SLC7A2: variants seen among roughly 807,000 people sequenced by gnomAD.
SLC7A2 encodes solute carrier family 7 member 2.
A neutral mutation model predicts 58.9 loss-of-function variants in SLC7A2; 48 were observed. The ratio of observed to expected loss-of-function variants is 0.82; its 90% CI spans 0.65 to 1.04. SLC7A2 has a LOEUF of 1.04. Among genes scored for constraint, SLC7A2 ranks in the 50% least tolerant of loss-of-function variants. SLC7A2 has a pLI of 0.00. For synonymous variants in SLC7A2, 363 were observed against 314.5 expected (o/e 1.15, Z -1.63); for missense variants, 1,029 against 818.8 (o/e 1.26, Z -3.13).
chr8:17,527,755 T>C (rs909433832), intron 2 of SLC7A2, among the ~76,000 whole-genome samples: 5 of 152,196 alleles, frequency 3.3e-5, no homozygotes, highest in Non-Finnish European at 7.3e-5. Flanking sequence ...AGGACACCAG[T>C]GTTACTGGAT....
At position 17,506,748 on chromosome 8, in the gene SLC7A2, C is replaced by A. The variant is rs566516906; in HGVS notation, c.-23+4446C>A. Among the ~76,000 whole-genome samples the A allele has an allele frequency of 8.3e-4, 117 of 140,164 alleles. 1 individual carries two copies. Among genetic ancestry groups the A allele is most frequent in the African/African-American group, 3.1e-3 (112 of 35,974 alleles). 92.0% of individuals were successfully genotyped at this position (140,164 alleles called of 152,430 possible). The stretch of plus-strand genomic sequence containing the variant: ...AAATAATAATTACTAGAATGCACTA[C>A]TTCTGTGGAATTTTTTTTTTTGAGA... On this transcript the variant is annotated intron_variant, in intron 2 of 12. Transcript: ENST00000494857.
In SLC7A2 at chr8:17,568,640, T is replaced by A. The variant is rs1486788536; in HGVS notation, c.*3494T>A. On this transcript the variant is annotated 3_prime_UTR_variant, in exon 13 of 13. Coordinates refer to ENST00000494857, the MANE Select transcript of SLC7A2 (RefSeq NM_001370338.1). Reference sequence around the variant, plus strand: ...AATATTAGTCAAAATACTTTTTAAGTCCTGAGTGCTTACAGGTAGTTGTTA... The same window carrying A: ...AATATTAGTCAAAATACTTTTTAAGACCTGAGTGCTTACAGGTAGTTGTTA... 6.6e-6 allele frequency: 1 copy of A among 152,120 alleles called. No individual in the cohort carries two copies. Among genetic ancestry groups the A allele is most frequent in the Admixed American group, 6.6e-5 (1 of 15,264 alleles). 9.4% of individuals were successfully genotyped at this position (152,120 alleles called of 1,614,324 possible).
rs570185710 is a variant in SLC7A2, at chr8:17,536,839, C to T, written c.-22-6479C>T. ...GTACCATCTTGACCTTCGCCATTAG[C>T]TTCTGGTTTCAAGGAACAGAGACCA... On this transcript the variant is annotated intron_variant, in intron 2 of 12. Transcript: ENST00000494857. Among the ~76,000 whole-genome samples, 17 of 152,188 alleles carry T rather than the reference C, an allele frequency of 1.1e-4. No homozygotes were observed. In the East Asian group the frequency reaches 2.7e-3, roughly 24 times the overall value.
chr8:17,558,544 G>T, intron 9 of SLC7A2, 147 bp downstream of exon 9: 1 of 518,862 alleles, frequency 1.9e-6, no homozygotes, highest in African/African-American at 1.9e-5. Flanking sequence ...ATGAAAAGTG[G>T]AAGAAGCGTA....
chr8:17,544,177 T>G (rs1802055563), intron 3 of SLC7A2, among the ~76,000 whole-genome samples: 1 of 152,184 alleles, frequency 6.6e-6, no homozygotes, highest in South Asian at 2.1e-4. Context: ...GCCACAAAAT[T>G]CTGTGATTTT....
intron 1 of SLC7A2, among the ~76,000 whole-genome samples, chr8:17,501,940 A>G (rs1263937790): frequency 6.6e-6 from 1 of 151,852 alleles, no homozygotes; most frequent in Non-Finnish European, 1.5e-5. Flanking sequence ...TTGGTGAACA[A>G]TACACAACAA....
At chr8:17,503,074 A>G (rs2150644412) in intron 2 of SLC7A2, among the ~76,000 whole-genome samples, 1 of 152,066 alleles carries the variant, frequency 6.6e-6, no homozygotes, top group Admixed American at 6.6e-5. Context: ...TTTTTGAGAC[A>G]GAGTCTCACT....
chr8:17,496,889 C>T (rs191713951), upstream of SLC7A2, among the ~76,000 whole-genome samples: 1 of 151,878 alleles, frequency 6.6e-6, no homozygotes, highest in African/African-American at 2.4e-5. Context: ...CGCCCGCCCA[C>T]GTGTGCTCGG....
chr8:17,518,431 G>A (rs1387250577), intron 2 of SLC7A2, among the ~76,000 whole-genome samples: 1 of 152,040 alleles, frequency 6.6e-6, no homozygotes, highest in African/African-American at 2.4e-5. Flanking sequence ...CTTCATAACT[G>A]GACTATTTAT....
At chr8:17,502,066 TTA>T (rs926454105) in intron 1 of SLC7A2, among the ~76,000 whole-genome samples, 189 bp from the exon 2 acceptor site, 3 of 150,690 alleles carry the variant, frequency 2.0e-5, no homozygotes. Flanking sequence ...CGTCCTACAA[TTA>T]TATATATATA....
intron 2 of SLC7A2, chr8:17,539,021 T>A: frequency 9.3e-7 from 1 of 1,080,610 alleles, no homozygotes; most frequent in Non-Finnish European, 1.4e-6. Context: ...CATTTCTAAG[T>A]GACTCAATGC....
intron 2 of SLC7A2, among the ~76,000 whole-genome samples, chr8:17,524,420 G>GAACA (rs1563448168): frequency 6.4e-5 from 8 of 125,260 alleles, no homozygotes; most frequent in Admixed American, 8.0e-5. Flanking sequence ...GTGTGTGTGT[G>GAACA]TACACACACA....
In SLC7A2 at chr8:17,566,064, C is replaced by G. The variant is rs986000196; in HGVS notation, c.*918C>G. 6.6e-6 allele frequency: 1 copy of G among 152,162 alleles called. No homozygotes were observed. The highest frequency in any genetic ancestry group is 1.5e-5 in the Non-Finnish European group (1 of 68,016). 9.4% of individuals were successfully genotyped at this position (152,162 alleles called of 1,614,324 possible). On this transcript the variant is annotated 3_prime_UTR_variant, in exon 13 of 13. Transcript: ENST00000494857. ...TATGTTTGAAGATCAAAGAGTTAGA[C>G]CAATGCTTGAATAAGTAGACCCCAA...
intron 2 of SLC7A2, among the ~76,000 whole-genome samples, chr8:17,509,862 C>G (rs1419783196): frequency 6.6e-6 from 1 of 151,896 alleles, no homozygotes; most frequent in East Asian, 1.9e-4. Flanking sequence ...TCGGAAGAAG[C>G]CTGTGTGTTT....
At chr8:17,547,882 C>G (rs1439910094) in intron 4 of SLC7A2, among the ~76,000 whole-genome samples, 1 of 150,330 alleles carries the variant, frequency 6.7e-6, no homozygotes, top group Non-Finnish European at 1.5e-5. Context: ...TCTGTGTCTT[C>G]AAAGTACTTG....
In SLC7A2 at chr8:17,561,805, G is replaced by A. The variant is rs1048635763; in HGVS notation, c.1505-139G>A. ...TCTCTCCTCAATGAAAAAGAAGAAA[G>A]GGCAAGGCGAAGACTCTTTGTATTT... On this transcript the variant is annotated intron_variant, in intron 10 of 12. Coordinates refer to ENST00000494857, the MANE Select transcript of SLC7A2 (RefSeq NM_001370338.1). The A allele has an allele frequency of 6.8e-6, 5 of 740,732 alleles. No homozygotes were observed. The African/African-American group carries it at 7.0e-5, about 10-fold the overall frequency. 45.9% of individuals were successfully genotyped at this position (740,732 alleles called of 1,614,324 possible). A position where few individuals can be genotyped will look rare whatever the true frequency, so the allele number is the denominator to read the frequency against.
intron 1 of SLC7A2, 24 bp downstream of exon 1, chr8:17,497,261 C>G (rs1387590271): frequency 6.6e-6 from 1 of 152,138 alleles, no homozygotes; most frequent in Non-Finnish European, 1.5e-5. Context: ...TCTCCAGCCC[C>G]GCCGAGAGGC....
intron 3 of SLC7A2, 68 bp from the exon 4 acceptor site, chr8:17,544,383 A>G: frequency 7.3e-7 from 1 of 1,367,636 alleles, no homozygotes; most frequent in Admixed American, 1.8e-5. Flanking sequence ...ATCCTATAAT[A>G]GAGTAGCAAA....
intron 10 of SLC7A2, 65 bp downstream of exon 10, chr8:17,560,598 A>G (rs998977934): frequency 5.8e-6 from 8 of 1,386,422 alleles, no homozygotes; most frequent in Admixed American, 1.7e-5. Flanking sequence ...AGCTGGCATG[A>G]TATGAAAGAG....
Sources: gnomAD v4.1 joint callset for allele counts (sites outside exome capture counted in the v4.1 genomes callset) on GRCh38, gnomAD v4.1.1 for gene constraint, MANE v1.5 for transcripts, NCBI Gene and HGNC (gene_info 2026-07-23, HGNC 2026-07-21) for gene names.